The following GABRG2 variants were observed in gnomAD, a reference collection of about 807,000 sequenced individuals.
The protein encoded by GABRG2 is gamma-aminobutyric acid type A receptor subunit gamma2, also known as gamma-aminobutyric acid receptor subunit gamma-2.
In GABRG2, 16 loss-of-function variants were observed where a neutral mutation model predicts 56.4. The observed-to-expected ratio is 0.28, with a 90% CI of 0.19 to 0.43. GABRG2 has a LOEUF of 0.43. Ranked by LOEUF, GABRG2 falls within the 20% of genes least tolerant of loss-of-function variation. GABRG2 has a pLI of 1.00. For missense variants in GABRG2, 327 were observed against 582.7 expected, an observed-to-expected ratio of 0.56 and a Z score of 4.52; for synonymous variants, 208 against 205.5, an observed-to-expected ratio of 1.01 and a Z score of -0.10.
chr5:162,141,956 C>T (rs1764598681), intron 6 of GABRG2, among the ~76,000 whole-genome samples: 2 of 152,152 alleles, frequency 1.3e-5, no homozygotes, highest in South Asian at 2.1e-4. Context: ...ATCTAGTAGA[C>T]AAATTGCTCT....
At chr5:162,146,723 T>C (rs1764976038) in intron 7 of GABRG2, among the ~76,000 whole-genome samples, 1 of 152,204 alleles carries the variant, frequency 6.6e-6, no homozygotes, top group Non-Finnish European at 1.5e-5. Context: ...AGATTGGTTA[T>C]TACATAATCA....
intron 1 of GABRG2, among the ~76,000 whole-genome samples, chr5:162,084,043 A>G (rs775805184): frequency 6.6e-6 from 1 of 151,832 alleles, no homozygotes; most frequent in Non-Finnish European, 1.5e-5. Flanking sequence ...ATCAAATTTT[A>G]ATTACGTATT....
At chr5:162,136,180 C>G (rs150540811) in intron 6 of GABRG2, among the ~76,000 whole-genome samples, 3 of 152,000 alleles carry the variant, frequency 2.0e-5, no homozygotes, top group African/African-American at 7.3e-5. Context: ...CAGAATCACA[C>G]GTTAAGCAGT....
chr5:162,155,285 G>C lies in GABRG2; in HGVS notation c.*1917G>C, dbSNP rs924866644. The C allele has an allele frequency of 6.6e-6, 1 of 152,468 alleles. No homozygotes were observed. Among genetic ancestry groups the C allele is most frequent in the Non-Finnish European group, 1.5e-5 (1 of 67,988 alleles). 9.4% of individuals were successfully genotyped at this position (152,468 alleles called of 1,614,324 possible). A position where few individuals can be genotyped will look rare whatever the true frequency, so the allele number is the denominator to read the frequency against. On this transcript the variant is annotated 3_prime_UTR_variant, in exon 10 of 10. Transcript: ENST00000639213. ...TATATTAAATGTTGACTCTTTGGGA[G>C]AGTTGTTGGCAAGTTTCAATGGTGA...
chr5:162,068,239 C>A (rs1275465809), intron 1 of GABRG2, 133 bp downstream of exon 1: 3 of 707,628 alleles, frequency 4.2e-6, no homozygotes, highest in Non-Finnish European at 7.7e-6. Context: ...TAGGAGAGAG[C>A]GAATATATGG....
intron 6 of GABRG2, among the ~76,000 whole-genome samples, chr5:162,105,179 A>T (rs1174998276): frequency 6.6e-6 from 1 of 152,082 alleles, no homozygotes; most frequent in African/African-American, 2.4e-5. Flanking sequence ...TTACAGAGAG[A>T]AGCAAATAAA....
chr5:162,084,987 C>G (rs1437574460), intron 1 of GABRG2, among the ~76,000 whole-genome samples: 1 of 151,782 alleles, frequency 6.6e-6, no homozygotes, highest in South Asian at 2.1e-4. Flanking sequence ...ATGAGACTAA[C>G]GTAATTATGA....
chr5:162,074,642 G>T (rs1260394898), intron 1 of GABRG2, among the ~76,000 whole-genome samples: 2 of 151,926 alleles, frequency 1.3e-5, no homozygotes, highest in Non-Finnish European at 2.9e-5. Flanking sequence ...TTTTTTGCTG[G>T]TTATCAGTTC....
intron 6 of GABRG2, among the ~76,000 whole-genome samples, chr5:162,139,878 T>C (rs1764428286): frequency 6.6e-6 from 1 of 152,218 alleles, no homozygotes; most frequent in African/African-American, 2.4e-5. Flanking sequence ...ATTACTTTGC[T>C]TTTCCTATCT....
chr5:162,085,580 T>C (rs565471877), intron 1 of GABRG2, among the ~76,000 whole-genome samples: 3 of 151,698 alleles, frequency 2.0e-5, no homozygotes, highest in African/African-American at 7.2e-5. Flanking sequence ...ACTTTTTTTT[T>C]TTACATTTAT....
chr5:162,082,150 TAGAAAGA>T (rs1405654027), intron 1 of GABRG2, among the ~76,000 whole-genome samples: 7 of 151,818 alleles, frequency 4.6e-5, no homozygotes, highest in African/African-American at 1.7e-4. Flanking sequence ...CAATGGATAT[TAGAAAGA>T]CTAGAGAAAG....
At chr5:162,109,420 A>ATATATATATATATATATATATT in intron 6 of GABRG2, among the ~76,000 whole-genome samples, 1 of 116,140 alleles carries the variant, frequency 8.6e-6, no homozygotes, top group East Asian at 2.5e-4. Context: ...ATATATATAT[A>ATATATATATATATATATATATT]TATTTATTTA....
intron 6 of GABRG2, among the ~76,000 whole-genome samples, chr5:162,118,613 A>G (rs565412750): frequency 6.6e-6 from 1 of 152,014 alleles, no homozygotes; most frequent in South Asian, 2.1e-4. Flanking sequence ...ATCTATATCT[A>G]TATCTATATC....
chr5:162,108,032 G>A (rs1414501401), intron 6 of GABRG2, among the ~76,000 whole-genome samples: 1 of 152,156 alleles, frequency 6.6e-6, no homozygotes, highest in Non-Finnish European at 1.5e-5. Context: ...ATGCACCATA[G>A]CAAGCACTAT....
chr5:162,121,137 G>C lies in GABRG2; in HGVS notation c.769+17111G>C, dbSNP rs113069601. Among the ~76,000 whole-genome samples, 1,424 of 152,210 alleles carry C rather than the reference G, an allele frequency of 9.4e-3. 16 individuals carry two copies. Among genetic ancestry groups the C allele is most frequent in the African/African-American group, 0.032 (1,309 of 41,554 alleles). ...GGACCAATGTCTGTGGCAATTTGAA[G>C]AGTAGATGCTCGTGAGTCATTCCAT... On this transcript the variant is annotated intron_variant, in intron 6 of 9. Coordinates refer to ENST00000639213, the MANE Select transcript of GABRG2 (RefSeq NM_198904.4).
chr5:162,087,134 A>G (rs1033018421), intron 1 of GABRG2, among the ~76,000 whole-genome samples: 5 of 152,060 alleles, frequency 3.3e-5, no homozygotes, highest in African/African-American at 7.2e-5. Flanking sequence ...GGTGTAATCC[A>G]TAGAAAATGG....
At position 162,153,148 on chromosome 5, in the gene GABRG2, C is replaced by T. The variant is rs1765495907; in HGVS notation, c.1208C>T (p.Thr403Ile). The stretch of plus-strand genomic sequence containing the variant: ...GCAACCATTCAAATGAATAATGCTA[C>T]ACACCTTCAAGAGAGAGATGAAGAG... ...RSATIQMNNATHLQERDEEYG... is the reference protein window; with the variant it reads ...RSATIQMNNAIHLQERDEEYG... The change falls in exon 10 of 10, where the codon ACA becomes ATA. Residue 403 changes from threonine to isoleucine, a missense_variant. Transcript: ENST00000639213. 2.5e-6 allele frequency: 4 copies of T among 1,613,928 alleles called. No homozygotes were observed. The highest frequency in any genetic ancestry group is 1.3e-5 in the African/African-American group (1 of 74,908).
intron 6 of GABRG2, among the ~76,000 whole-genome samples, chr5:162,114,509 G>A (rs1204154455): frequency 2.0e-5 from 3 of 151,966 alleles, no homozygotes; most frequent in Non-Finnish European, 2.9e-5. Context: ...TTGCACCCCA[G>A]CCTAGGCAAC....
chr5:162,073,781 C>A (rs182326085), intron 1 of GABRG2, among the ~76,000 whole-genome samples: 4 of 151,880 alleles, frequency 2.6e-5, no homozygotes, highest in Admixed American at 6.6e-5. Flanking sequence ...TTTACAGAAA[C>A]GTTTGCATTC....
Sources: gnomAD v4.1 joint callset for allele counts (sites outside exome capture counted in the v4.1 genomes callset) on GRCh38, gnomAD v4.1.1 for gene constraint, MANE v1.5 for transcripts, NCBI Gene and HGNC (gene_info 2026-07-23, HGNC 2026-07-21) for gene names.